RBM33: variants seen among roughly 807,000 people sequenced by gnomAD.
RBM33 encodes RNA binding motif protein 33.
Under a neutral mutation model 132.6 loss-of-function variants are expected in RBM33, and 28 were observed. The observed-to-expected ratio is 0.21, with a 90% CI of 0.16 to 0.29. RBM33 has a LOEUF of 0.29. Among genes scored for constraint, RBM33 ranks in the 10% least tolerant of loss-of-function variants. The probability of loss-of-function intolerance (pLI) is 1.00; values close to 1 mark genes in which losing one functional copy is unlikely to be tolerated. For synonymous variants in RBM33, 634 were observed against 593.0 expected, an observed-to-expected ratio of 1.07 and a Z score of -1.01; for missense variants, 1,291 against 1,518.5, an observed-to-expected ratio of 0.85 and a Z score of 2.49.
intron 1 of RBM33, among the ~76,000 whole-genome samples, chr7:155,655,182 C>T (rs1798457880): frequency 6.6e-6 from 1 of 152,190 alleles, no homozygotes; most frequent in African/African-American, 2.4e-5. Context: ...TTTACATACA[C>T]AGTGGCCATA....
Position 155,663,722 on chromosome 7 carries a change from C to T in RBM33, c.44-1453C>T, listed in dbSNP as rs558357508. Among the ~76,000 whole-genome samples, 9 of 152,246 alleles carry T rather than the reference C, an allele frequency of 5.9e-5. No homozygotes were observed. In the South Asian group the frequency reaches 1.2e-3, roughly 21 times the overall value. ...CTTGATTGATTTCCAGCTCCAGGCT[C>T]GGAAAATTCCTGAGGCTTTATAGGT... On this transcript the variant is annotated intron_variant, in intron 1 of 17. Transcript: ENST00000401878.
At chr7:155,670,916 A>C (rs1798927333) in intron 2 of RBM33, among the ~76,000 whole-genome samples, 1 of 152,208 alleles carries the variant, frequency 6.6e-6, no homozygotes, top group Non-Finnish European at 1.5e-5. Flanking sequence ...TAGTTATTAA[A>C]GGTTGATTTA....
intron 8 of RBM33, among the ~76,000 whole-genome samples, chr7:155,714,315 C>T (rs1469378731): frequency 6.6e-6 from 1 of 152,130 alleles, no homozygotes; most frequent in Non-Finnish European, 1.5e-5. Flanking sequence ...GAGGAGAAGA[C>T]ACCAGGGAGG....
intron 1 of RBM33, among the ~76,000 whole-genome samples, chr7:155,664,969 T>C (rs1409106174): frequency 6.6e-6 from 1 of 151,956 alleles, no homozygotes; most frequent in Non-Finnish European, 1.5e-5. Context: ...TAATGTTCAA[T>C]AAGTTGGTTT....
chr7:155,762,189 G>A (rs1461443457), intron 14 of RBM33, among the ~76,000 whole-genome samples: 9 of 152,300 alleles, frequency 5.9e-5, no homozygotes, highest in South Asian at 2.1e-4. Context: ...AGCACTTTCC[G>A]TTCTGGAATT....
intron 5 of RBM33, among the ~76,000 whole-genome samples, chr7:155,687,012 G>A (rs1799497840): frequency 6.6e-6 from 1 of 152,154 alleles, no homozygotes; most frequent in Non-Finnish European, 1.5e-5. Flanking sequence ...GGATGGCTGG[G>A]TCAAATGGTA....
In RBM33 at chr7:155,774,284, C is replaced by T. The variant is rs1342625714; in HGVS notation, c.3376-275C>T. Among the ~76,000 whole-genome samples the T allele has an allele frequency of 6.6e-6, 1 of 152,186 alleles. No individual in the cohort carries two copies. Among genetic ancestry groups the T allele is most frequent in the East Asian group, 1.9e-4 (1 of 5,192 alleles). On this transcript the variant is annotated intron_variant, in intron 16 of 17. Transcript: ENST00000401878. The surrounding 1 kb of genome is among the most constrained non-coding windows in gnomAD (Gnocchi z 4.2). ...CCCGGTCTCCCAGAGCAGGTTGGGG[C>T]AGCTGATGGGGCCAGATGATGGGAG... is the stretch of plus-strand genomic sequence containing the variant.
rs1335901319 is a variant in RBM33, at chr7:155,745,747, A to G, written c.2979+145A>G. 13 of 831,134 alleles carry G rather than the reference A, an allele frequency of 1.6e-5. No homozygotes were observed. Among genetic ancestry groups the G allele is most frequent in the Admixed American group, 6.1e-5 (2 of 32,830 alleles). The allele number at this position is 831,134 out of a possible 1,614,324, so 51.5% of individuals were successfully genotyped here. A position where few individuals can be genotyped will look rare whatever the true frequency, so the allele number is the denominator to read the frequency against. On this transcript the variant is annotated intron_variant, in intron 14 of 17. Transcript: ENST00000401878. The surrounding 1 kb of genome is among the most constrained non-coding windows in gnomAD (Gnocchi z 4.1). ...CAATCTCTACCTACTTGAAGTTGGT[A>G]TAAGAATTGCCGCTTGACGACAGGC...
chr7:155,645,185 T>A (rs1798147266), intron 1 of RBM33: 1 of 384,258 alleles, frequency 2.6e-6, no homozygotes. Flanking sequence ...GTCAGGCCCA[T>A]CTCTGGCGTT....
intron 5 of RBM33, among the ~76,000 whole-genome samples, chr7:155,688,808 C>T (rs1799550320): frequency 1.3e-5 from 2 of 152,170 alleles, no homozygotes; most frequent in Non-Finnish European, 2.9e-5. Context: ...ATCAGCCTTG[C>T]ATCCCAGAGA....
intron 1 of RBM33, among the ~76,000 whole-genome samples, chr7:155,658,829 T>C (rs978711362): frequency 6.6e-6 from 1 of 152,264 alleles, no homozygotes; most frequent in Admixed American, 6.5e-5. Flanking sequence ...GCAACCGTTT[T>C]GGAACTTGAG....
Position 155,741,727 on chromosome 7 carries a change from A to T in RBM33, c.2050-92A>T, listed in dbSNP as rs943173374. 2.5e-6 allele frequency: 3 copies of T among 1,212,588 alleles called. No homozygotes were observed. The Admixed American group carries it at 6.8e-5, about 28-fold the overall frequency. The allele number at this position is 1,212,588 out of a possible 1,614,324, so 75.1% of individuals were successfully genotyped here. On this transcript the variant is annotated intron_variant, in intron 12 of 17. Coordinates refer to ENST00000401878, the MANE Select transcript of RBM33 (RefSeq NM_053043.3). ...AAGAAGTCATTTACTAATTAGAATG[A>T]TTTATTGTGTTTTTATTTAATAATG...
rs1172499903 is a variant in RBM33 at position 155,718,537 on chromosome 7, A to T, written c.1260+94A>T. 6 of 1,057,492 alleles carry T rather than the reference A, an allele frequency of 5.7e-6. No individual in the cohort carries two copies. The South Asian group carries it at 8.4e-5, about 15-fold the overall frequency. The allele number at this position is 1,057,492 out of a possible 1,614,324, so 65.5% of individuals were successfully genotyped here. On this transcript the variant is annotated intron_variant, in intron 9 of 17. Coordinates refer to ENST00000401878, the MANE Select transcript of RBM33 (RefSeq NM_053043.3). ...CAAGTGCAAGAGGTTCCAGCCAAAT[A>T]TAATTTTAAGGATTTGCAAATATTG...
Position 155,779,312 on chromosome 7 carries a change from T to G in RBM33, c.*4271T>G, listed in dbSNP as rs1006524. Reference sequence around the variant, plus strand: ...GTGACGATTCTACCAGGGAGTTGACTGATAGGAGTGTGTGCAGGGCAGGAA... The same window carrying G: ...GTGACGATTCTACCAGGGAGTTGACGGATAGGAGTGTGTGCAGGGCAGGAA... On this transcript the variant is annotated 3_prime_UTR_variant, in exon 18 of 18. Transcript: ENST00000401878. The G allele has an allele frequency of 2.0e-5, 3 of 152,094 alleles. No individual in the cohort carries two copies. Among genetic ancestry groups the G allele is most frequent in the African/African-American group, 7.2e-5 (3 of 41,410 alleles). 9.4% of individuals were successfully genotyped at this position (152,094 alleles called of 1,614,324 possible). A position where few individuals can be genotyped will look rare whatever the true frequency, so the allele number is the denominator to read the frequency against.
At chr7:155,670,724 G>A (rs528148806) in intron 2 of RBM33, among the ~76,000 whole-genome samples, 73 of 152,160 alleles carry the variant, frequency 4.8e-4, no homozygotes, top group African/African-American at 1.6e-3. Flanking sequence ...TGCATTGAGC[G>A]GATGCTGTGG....
In RBM33 at chr7:155,697,779, G is replaced by A. The variant is rs143191084; in HGVS notation, c.568-2994G>A. Among the ~76,000 whole-genome samples, 261 of 152,082 alleles carry A rather than the reference G, an allele frequency of 1.7e-3. 2 individuals are homozygous for A. The highest frequency in any genetic ancestry group is 6.0e-3 in the African/African-American group (249 of 41,482). On this transcript the variant is annotated intron_variant, in intron 5 of 17. Coordinates refer to ENST00000401878, the MANE Select transcript of RBM33 (RefSeq NM_053043.3). ...CTTTTCCAGTTCTTTCTACATTTAC[G>A]AAATAAAGCCTAAGTGGACCTCTCT...
intron 4 of RBM33, among the ~76,000 whole-genome samples, chr7:155,679,301 G>A (rs1458024097): frequency 2.6e-5 from 4 of 152,126 alleles, no homozygotes; most frequent in South Asian, 2.1e-4. Flanking sequence ...TCCTCTACTC[G>A]GATGGAGGGC....
At chr7:155,751,639 C>A (rs1801688048) in intron 14 of RBM33, among the ~76,000 whole-genome samples, 1 of 152,164 alleles carries the variant, frequency 6.6e-6, no homozygotes, top group Non-Finnish European at 1.5e-5. Flanking sequence ...GGCAGGAACA[C>A]CCCAGAGGGG....
At chr7:155,747,466 T>C (rs1270196266) in intron 14 of RBM33, among the ~76,000 whole-genome samples, 1 of 152,260 alleles carries the variant, frequency 6.6e-6, no homozygotes, top group Non-Finnish European at 1.5e-5. Flanking sequence ...TACTCTGCAC[T>C]GGCAGGCTGG....
Sources: gnomAD v4.1 joint callset for allele counts (sites outside exome capture counted in the v4.1 genomes callset) on GRCh38, gnomAD v4.1.1 for gene constraint, Gnocchi (gnomAD v3.1) non-coding constraint, MANE v1.5 for transcripts, NCBI Gene and HGNC (gene_info 2026-07-23, HGNC 2026-07-21) for gene names.